MAPRE2: variants seen among roughly 807,000 people sequenced by gnomAD.
MAPRE2 encodes microtubule associated protein RP/EB family member 2.
In MAPRE2, 13 loss-of-function variants were observed where a neutral mutation model predicts 43.2. The observed-to-expected ratio is 0.30, with a 90% CI of 0.20 to 0.48. The LOEUF (loss-of-function observed/expected upper bound fraction) is 0.48. Ranked by LOEUF, MAPRE2 falls within the 20% of genes least tolerant of loss-of-function variation. MAPRE2 has a pLI of 0.99. For missense variants in MAPRE2, 161 were observed against 400.2 expected (o/e 0.40, Z 5.10); for synonymous variants, 135 against 148.8 (o/e 0.91, Z 0.68).
At chr18:34,985,066 A>AT (rs1568961165) in intron 1 of MAPRE2, among the ~76,000 whole-genome samples, 38 of 81,176 alleles carry the variant, frequency 4.7e-4, no homozygotes, top group African/African-American at 2.0e-3. Flanking sequence ...ATAATATATA[A>AT]AATAAAATAT....
At chr18:35,121,808 T>C (rs1909685865) in intron 4 of MAPRE2, among the ~76,000 whole-genome samples, 1 of 152,216 alleles carries the variant, frequency 6.6e-6, no homozygotes, top group African/African-American at 2.4e-5. Context: ...TATTGAGGAC[T>C]TCAGTATCTA....
chr18:35,009,004 T>C (rs1282766179), intron 2 of MAPRE2, among the ~76,000 whole-genome samples: 1 of 152,040 alleles, frequency 6.6e-6, no homozygotes, highest in East Asian at 1.9e-4. Context: ...ATATGAATGA[T>C]GTGCTCATTC....
At chr18:35,003,508 A>G (rs2097030370) in intron 1 of MAPRE2, among the ~76,000 whole-genome samples, 1 of 152,238 alleles carries the variant, frequency 6.6e-6, no homozygotes, top group Non-Finnish European at 1.5e-5. Context: ...TAAGGTGTTC[A>G]ATAAATAATG....
At position 35,019,980 on chromosome 18, in the gene MAPRE2, A is replaced by G. The variant is rs553559527; in HGVS notation, c.-8+14427A>G. Among the ~76,000 whole-genome samples, 7 of 152,246 alleles carry G rather than the reference A, an allele frequency of 4.6e-5. No individual in the cohort carries two copies. The South Asian group carries it at 8.3e-4, about 18-fold the overall frequency. On this transcript the variant is annotated intron_variant, in intron 2 of 7. Transcript: ENST00000413393. ...TTATCTCCCCAGACATTAGATACTTAATACATACTTCTGAGTTCTGTAAAA... is the reference window on the plus strand; with the variant it reads ...TTATCTCCCCAGACATTAGATACTTGATACATACTTCTGAGTTCTGTAAAA...
intron 6 of MAPRE2, among the ~76,000 whole-genome samples, chr18:35,136,198 G>A (rs1336371695): frequency 6.6e-6 from 1 of 152,176 alleles, no homozygotes; most frequent in East Asian, 1.9e-4. Flanking sequence ...GTTTTCCCCT[G>A]ATACGTAACT....
At chr18:35,031,922 T>C (rs146925275) in intron 2 of MAPRE2, among the ~76,000 whole-genome samples, 2 of 152,294 alleles carry the variant, frequency 1.3e-5, no homozygotes, top group African/African-American at 4.8e-5. Flanking sequence ...GGTATTTGCA[T>C]GTCATGGAAA....
chr18:35,133,918 C>G (rs1251321867), intron 6 of MAPRE2, among the ~76,000 whole-genome samples: 1 of 152,196 alleles, frequency 6.6e-6, no homozygotes, highest in Non-Finnish European at 1.5e-5. Flanking sequence ...ACACATACAT[C>G]CCAGCACCAC....
intron 4 of MAPRE2, among the ~76,000 whole-genome samples, chr18:35,108,927 T>G (rs1223982116): frequency 6.6e-6 from 1 of 152,232 alleles, no homozygotes; most frequent in African/African-American, 2.4e-5. Context: ...GTAGGTTGCC[T>G]GTTCACTCTG....
At chr18:35,115,330 T>C (rs79699486) in intron 4 of MAPRE2, among the ~76,000 whole-genome samples, 6,843 of 152,298 alleles carry the variant, frequency 0.045, 329 homozygotes, top group East Asian at 0.23. Flanking sequence ...TTAGAAAGTA[T>C]GCTAGTACAC....
In MAPRE2 at chr18:35,132,154, G is replaced by A. The variant is rs1279368166; in HGVS notation, c.873G>A (p.Gln291=). The A allele has an allele frequency of 6.2e-7, 1 of 1,614,190 alleles. No individual in the cohort carries two copies. Among genetic ancestry groups the A allele is most frequent in the South Asian group, 1.1e-5 (1 of 91,082 alleles). Residue 291 remains glutamine, a synonymous_variant, in exon 6 of 7, where the codon CAG becomes CAA. Transcript: ENST00000300249. The part of the protein sequence containing the change: ...EHGQENDDLV[Q]RLMDILYASE... ...GGCAGGAAAATGATGACCTCGTGCA[G>A]AGACTAATGGACATCCTGTATGCTT...
intron 1 of MAPRE2, chr18:35,041,892 G>A (rs909878414): frequency 2.0e-6 from 2 of 991,360 alleles, no homozygotes; most frequent in African/African-American, 3.3e-5. Context: ...GCCTTCGAGG[G>A]GTCTCCCTCC....
In MAPRE2 at chr18:35,092,005, C is replaced by T. The variant is rs376881304; in HGVS notation, c.251-5441C>T. 2.0e-5 allele frequency among the ~76,000 whole-genome samples: 3 copies of T among 152,212 alleles called. No homozygotes were observed. In the South Asian group the frequency reaches 6.2e-4, roughly 31 times the overall value. ...GCCAAGGGAAAGCAGGCACATCTTA[C>T]GTGGCTGGAGCAGGAGCAAGAGAGA... On this transcript the variant is annotated intron_variant, in intron 2 of 6. Transcript: ENST00000300249.
rs981642381 is a variant in MAPRE2, at chr18:35,143,459, T to C, written c.*3090T>C. 1.2e-4 allele frequency: 19 copies of C among 152,024 alleles called. No homozygotes were observed. Among genetic ancestry groups the C allele is most frequent in the Non-Finnish European group, 2.4e-4 (16 of 67,998 alleles). 9.4% of individuals were successfully genotyped at this position (152,024 alleles called of 1,614,324 possible). A position where few individuals can be genotyped will look rare whatever the true frequency, so the allele number is the denominator to read the frequency against. ...TTTACATATTTAATAAAAAAAAAAGTATATGTTAAAATCTGCCTGGAGTTA... is the reference window on the plus strand; with the variant it reads ...TTTACATATTTAATAAAAAAAAAAGCATATGTTAAAATCTGCCTGGAGTTA... On this transcript the variant is annotated 3_prime_UTR_variant, in exon 7 of 7. Coordinates refer to ENST00000300249, the MANE Select transcript of MAPRE2 (RefSeq NM_014268.4).
chr18:35,117,605 G>T (rs1300307708), intron 4 of MAPRE2, among the ~76,000 whole-genome samples: 1 of 152,170 alleles, frequency 6.6e-6, no homozygotes, highest in Non-Finnish European at 1.5e-5. Flanking sequence ...CTGGCTCAGT[G>T]TGCTGGGCTC....
At chr18:35,005,424 C>G in intron 1 of MAPRE2, 1 of 1,002,070 alleles carries the variant, frequency 1.0e-6, no homozygotes, top group Non-Finnish European at 1.5e-6. Flanking sequence ...AATTATAACT[C>G]TTTGCTTCCA....
chr18:35,020,544 G>A (rs2150587321), intron 2 of MAPRE2, among the ~76,000 whole-genome samples: 2 of 109,282 alleles, frequency 1.8e-5, no homozygotes, highest in African/African-American at 6.2e-5. Context: ...AGCTTTCCTT[G>A]GCTTGTCAAA....
In MAPRE2 at chr18:35,113,041, C is replaced by T. The variant is rs577754130; in HGVS notation, c.610+10882C>T. On this transcript the variant is annotated intron_variant, in intron 4 of 6. Coordinates refer to ENST00000300249, the MANE Select transcript of MAPRE2 (RefSeq NM_014268.4). ...ATTCATGAGGGATCTGCCCTCACAA[C>T]CTAGTTACCTCCCAAAGGCCCCACC... 3.9e-4 allele frequency among the ~76,000 whole-genome samples: 60 copies of T among 152,296 alleles called. No homozygotes were observed. In the South Asian group the frequency reaches 0.011, roughly 27 times the overall value.
intron 5 of MAPRE2, 60 bp downstream of exon 5, chr18:35,127,147 C>T (rs1468911197): frequency 1.9e-6 from 3 of 1,547,404 alleles, no homozygotes; most frequent in East Asian, 2.3e-5. Context: ...AGGTAGGGGG[C>T]CTAGGATCCC....
chr18:35,091,710 C>A (rs1325889779), intron 2 of MAPRE2, among the ~76,000 whole-genome samples: 1 of 151,794 alleles, frequency 6.6e-6, no homozygotes, highest in Non-Finnish European at 1.5e-5. Flanking sequence ...CTATCCCACT[C>A]TCCCACGGCA....
Sources: allele counts gnomAD v4.1 joint callset (sites outside exome capture counted in the v4.1 genomes callset), GRCh38; gene constraint gnomAD v4.1.1; transcripts MANE v1.5; gene names NCBI Gene and HGNC (gene_info 2026-07-23, HGNC 2026-07-21).